BORCS5: variants seen among roughly 807,000 people sequenced by gnomAD.
BORCS5 encodes the protein BLOC-1-related complex subunit 5.
A neutral mutation model predicts 22.1 loss-of-function variants in BORCS5; 17 were observed. The observed-to-expected ratio is 0.77, with a 90% CI of 0.53 to 1.15. The LOEUF is 1.15. Ranked by LOEUF, BORCS5 falls within the 50% of genes most tolerant of loss-of-function variation. The pLI, the probability that BORCS5 is intolerant of heterozygous loss-of-function variation, is 0.00. For synonymous variants in BORCS5, 117 were observed against 99.8 expected (o/e 1.17, Z -1.03); for missense variants, 247 against 253.2 (o/e 0.98, Z 0.17).
At position 12,465,537 on chromosome 12, in the gene BORCS5, C is replaced by T. The variant is rs115914298; in HGVS notation, c.361-9C>T. 1.9e-6 allele frequency: 3 copies of T among 1,611,908 alleles called. No individual in the cohort carries two copies. The highest frequency in any genetic ancestry group is 2.7e-5 in the African/African-American group (2 of 75,008). On this transcript the variant is annotated splice_polypyrimidine_tract_variant and intron_variant, in intron 3 of 3. Transcript: ENST00000314565. The stretch of plus-strand genomic sequence containing the variant: ...CAAGGTATAATGTACTTCTCTTTCC[C>T]ATCCACAGATGGATCTGTCTGTAGA...
At chr12:12,436,163 TTTAA>T (rs952231664) in intron 3 of BORCS5, among the ~76,000 whole-genome samples, 51 of 152,378 alleles carry the variant, frequency 3.3e-4, no homozygotes, top group African/African-American at 7.2e-4. Flanking sequence ...TTGAATTGAC[TTTAA>T]TTGTTTCCTG....
intron 3 of BORCS5, chr12:12,452,442 G>A (rs1007180133): frequency 3.4e-5 from 18 of 526,590 alleles, no homozygotes; most frequent in Admixed American, 6.3e-5. Flanking sequence ...TTGGAGAGCC[G>A]CGGTTTCCCA....
At chr12:12,456,418 G>A (rs1264048081) in intron 3 of BORCS5, among the ~76,000 whole-genome samples, 1 of 152,186 alleles carries the variant, frequency 6.6e-6, no homozygotes. Context: ...GCAACAGAGC[G>A]AGACCCTGTC....
chr12:12,361,078 C>T (rs1185787156), intron 1 of BORCS5, 128 bp from the exon 2 acceptor site: 19 of 905,656 alleles, frequency 2.1e-5, no homozygotes, highest in Non-Finnish European at 2.2e-5. Context: ...ATCCCTGCCA[C>T]CCCAACCCCA....
chr12:12,464,706 TAAA>T (rs781184067), intron 3 of BORCS5, among the ~76,000 whole-genome samples: 11 of 152,014 alleles, frequency 7.2e-5, no homozygotes, highest in Non-Finnish European at 1.6e-4. Context: ...TGATGGGTAC[TAAA>T]GAGCCTCTGT....
At chr12:12,390,787 T>TAA (rs57681818) in intron 2 of BORCS5, among the ~76,000 whole-genome samples, 26 of 146,240 alleles carry the variant, frequency 1.8e-4, no homozygotes, top group Admixed American at 4.7e-4. Context: ...CCCTGTCTCT[T>TAA]AAAAAAAAAA....
intron 2 of BORCS5, among the ~76,000 whole-genome samples, chr12:12,430,150 A>ATTTTTTTTTTTTTTTTT (rs1565905968): frequency 1.9e-4 from 14 of 74,402 alleles, no homozygotes; most frequent in African/African-American, 1.1e-3. Context: ...CCTTAGAGAA[A>ATTTTTTTTTTTTTTTTT]ATTTTTTTTT....
At chr12:12,462,710 G>A (rs976539755) in intron 3 of BORCS5, among the ~76,000 whole-genome samples, 1 of 152,158 alleles carries the variant, frequency 6.6e-6, no homozygotes, top group Non-Finnish European at 1.5e-5. Context: ...AGGCTGGAGT[G>A]CAGTGGTGCG....
chr12:12,393,830 A>G (rs1378276911), intron 2 of BORCS5, among the ~76,000 whole-genome samples: 2 of 151,460 alleles, frequency 1.3e-5, no homozygotes, highest in Non-Finnish European at 2.9e-5. Flanking sequence ...CTTTGTCTCT[A>G]TTTTTGAACA....
chr12:12,425,364 T>G (rs2136110774), intron 2 of BORCS5, among the ~76,000 whole-genome samples: 1 of 152,288 alleles, frequency 6.6e-6, no homozygotes, highest in Admixed American at 6.5e-5. Flanking sequence ...TCCTGGTGCT[T>G]CCTACCACAG....
chr12:12,406,668 C>CT (rs778615971), intron 2 of BORCS5, among the ~76,000 whole-genome samples: 78 of 151,938 alleles, frequency 5.1e-4, no homozygotes, highest in Middle Eastern at 6.8e-3. Flanking sequence ...TGTCAGGTCC[C>CT]TAATGTGATT....
At chr12:12,428,766 A>G (rs1332475397) in intron 2 of BORCS5, among the ~76,000 whole-genome samples, 4 of 152,166 alleles carry the variant, frequency 2.6e-5, no homozygotes, top group African/African-American at 9.7e-5. Context: ...AAAAAATTAT[A>G]TAGTGAGATG....
At chr12:12,450,304 T>A (rs932012657) in intron 3 of BORCS5, among the ~76,000 whole-genome samples, 13 of 152,190 alleles carry the variant, frequency 8.5e-5, no homozygotes, top group African/African-American at 3.1e-4. Context: ...TCCTTCCTTT[T>A]ACAGATGAAG....
intron 2 of BORCS5, among the ~76,000 whole-genome samples, chr12:12,427,738 A>G (rs1942325796): frequency 6.6e-6 from 1 of 152,132 alleles, no homozygotes; most frequent in South Asian, 2.1e-4. Flanking sequence ...GTGCCGGCAG[A>G]TTTGCCTCTG....
intron 2 of BORCS5, among the ~76,000 whole-genome samples, chr12:12,419,360 C>G (rs1356317103): frequency 6.6e-6 from 1 of 152,164 alleles, no homozygotes; most frequent in Non-Finnish European, 1.5e-5. Context: ...CATGTCCCTG[C>G]AAAGGACATG....
chr12:12,370,618 A>G (rs752893453), intron 2 of BORCS5, among the ~76,000 whole-genome samples: 4 of 152,158 alleles, frequency 2.6e-5, no homozygotes, highest in Non-Finnish European at 5.9e-5. Context: ...TTATTTATTC[A>G]AATCAGTGCG....
chr12:12,374,361 A>G (rs1025225803), intron 2 of BORCS5, among the ~76,000 whole-genome samples: 9 of 151,780 alleles, frequency 5.9e-5, no homozygotes, highest in Non-Finnish European at 1.2e-4. Context: ...GGCCAGTCAC[A>G]GTGGCTCATG....
At chr12:12,462,230 T>C (rs1034347783) in intron 3 of BORCS5, among the ~76,000 whole-genome samples, 1 of 152,224 alleles carries the variant, frequency 6.6e-6, no homozygotes. Flanking sequence ...CCTTGCAGAA[T>C]CTCATTTAAT....
intron 2 of BORCS5, among the ~76,000 whole-genome samples, chr12:12,416,413 T>C (rs1565889104): frequency 6.6e-6 from 1 of 151,988 alleles, no homozygotes; most frequent in Non-Finnish European, 1.5e-5. Context: ...TAAAGTTAGA[T>C]TGCTGGTGTG....
Sources: gnomAD v4.1 joint callset for allele counts (sites outside exome capture counted in the v4.1 genomes callset) on GRCh38, gnomAD v4.1.1 for gene constraint, MANE v1.5 for transcripts, NCBI Gene and HGNC (gene_info 2026-07-23, HGNC 2026-07-21) for gene names.